KIAA1755: variants seen among roughly 807,000 people sequenced by gnomAD.
KIAA1755 encodes the protein uncharacterized protein KIAA1755.
In KIAA1755, 68 loss-of-function variants were observed where a neutral mutation model predicts 91.7. The ratio of observed to expected loss-of-function variants is 0.74; its 90% CI spans 0.61 to 0.91. The LOEUF (loss-of-function observed/expected upper bound fraction) is 0.91, where lower values mean the gene tolerates loss of function less well. Among genes scored for constraint, KIAA1755 ranks in the 40% least tolerant of loss-of-function variants. The probability of loss-of-function intolerance (pLI) is 0.00; values close to 1 mark genes in which losing one functional copy is unlikely to be tolerated. For missense variants in KIAA1755, 1,535 were observed against 1,494.4 expected (o/e 1.03, Z -0.45); for synonymous variants, 610 against 604.6 (o/e 1.01, Z -0.13).
chr20:38,217,872 G>C (rs2075579650), intron 12 of KIAA1755: 1 of 402,930 alleles, frequency 2.5e-6, no homozygotes, highest in Non-Finnish European at 4.5e-6. Context: ...GAGAATTCCT[G>C]AGCGCTGATA....
chr20:38,244,687 C>A (rs1031633048), intron 2 of KIAA1755, among the ~76,000 whole-genome samples: 2 of 151,846 alleles, frequency 1.3e-5, no homozygotes, highest in Non-Finnish European at 2.9e-5. Context: ...TCAGGCTTCT[C>A]TCATCCTTTT....
intron 13 of KIAA1755, among the ~76,000 whole-genome samples, chr20:38,216,073 C>T (rs187187593): frequency 2.0e-5 from 3 of 152,252 alleles, no homozygotes; most frequent in Admixed American, 6.5e-5. Flanking sequence ...TAAAATGATA[C>T]GTGAAATGAC....
At chr20:38,232,365 G>C (rs1047641987) in intron 4 of KIAA1755, among the ~76,000 whole-genome samples, 1 of 152,092 alleles carries the variant, frequency 6.6e-6, no homozygotes, top group Non-Finnish European at 1.5e-5. Context: ...GGTGGCTCAC[G>C]CCTGTAATCC....
At chr20:38,219,504 G>C (rs2123076296) in intron 11 of KIAA1755, 126 bp downstream of exon 11, 1 of 1,313,254 alleles carries the variant, frequency 7.6e-7, no homozygotes, top group East Asian at 2.3e-5. Context: ...GCCTTTGAAG[G>C]ATCGCCAGCT....
In KIAA1755 at chr20:38,217,317, A is replaced by G. The variant is rs750650900; in HGVS notation, c.2837T>C (p.Met946Thr). The stretch of plus-strand genomic sequence containing the variant: ...GTCCGTGCGTTGCCGCTCGGCCGCC[A>G]TGTAAAAGTGGGTCAGCTCAGCCTG... ...AFQAELTHFY[M>T]AAERQRTDLE... The change falls in exon 13 of 14, where the codon ATG becomes ACG. Residue 946 changes from methionine to threonine, a missense_variant. Transcript: ENST00000279024. 6.2e-7 allele frequency: 1 copy of G among 1,611,394 alleles called. No homozygotes were observed. The highest frequency in any genetic ancestry group is 1.1e-5 in the South Asian group (1 of 90,246).
chr20:38,217,464 C>G lies in KIAA1755; in HGVS notation c.2690G>C (p.Arg897Pro). Residue 897 changes from arginine to proline, a missense_variant, in exon 13 of 14, where the codon CGC becomes CCC. By Grantham distance (103) the Arg-to-Pro change is moderately radical. Transcript: ENST00000279024. ...CTGCTTGGACAGCTCCAGGCCTCGGCGGTACTGGGCCTGAGAGGGGAGAGG... is the reference window on the plus strand; with the variant it reads ...CTGCTTGGACAGCTCCAGGCCTCGGGGGTACTGGGCCTGAGAGGGGAGAGG... ...NFFLQAAAQY[R>P]RGLELSKQAA... is the part of the protein sequence containing the mutation. The G allele has an allele frequency of 6.2e-7, 1 of 1,605,880 alleles. No individual in the cohort carries two copies.
rs1398769652 is a variant in KIAA1755, at chr20:38,212,734, G to A, written c.*308C>T. On this transcript the variant is annotated 3_prime_UTR_variant, in exon 14 of 14. Transcript: ENST00000279024. ...CTGCCTGCCTGCGAGCGAGACCTCT[G>A]GAGGGGTCTGTGCCGACAGGTCTTT... 1 of 279,710 alleles carries A rather than the reference G, an allele frequency of 3.6e-6. No individual in the cohort carries two copies. Among genetic ancestry groups the A allele is most frequent in the Non-Finnish European group, 6.7e-6 (1 of 148,262 alleles). 17.3% of individuals were successfully genotyped at this position (279,710 alleles called of 1,614,324 possible).
chr20:38,228,118 T>TA, intron 6 of KIAA1755, 29 bp downstream of exon 6: 1 of 1,546,748 alleles, frequency 6.5e-7, no homozygotes. Flanking sequence ...CAGGACTTAC[T>TA]AGGCTAAGGC....
rs779571194 is a variant in KIAA1755 at position 38,227,259 on chromosome 20, G to A, written c.1966-19C>T. On this transcript the variant is annotated intron_variant, in intron 6 of 13. Transcript: ENST00000279024. ...CCTGAGCCTGTCAAAGACAACCACT[G>A]CAGAGTTGCTCTGCCCAAGGCTTCA... is the stretch of plus-strand genomic sequence containing the variant. The A allele has an allele frequency of 2.5e-6, 4 of 1,599,736 alleles. No individual in the cohort carries two copies. The highest frequency in any genetic ancestry group is 2.2e-5 in the East Asian group (1 of 44,740).
Position 38,245,965 on chromosome 20 carries a change from G to A in KIAA1755, c.165C>T (p.Ala55=), listed in dbSNP as rs2076151618. 2 of 1,614,052 alleles carry A rather than the reference G, an allele frequency of 1.2e-6. No homozygotes were observed. Among genetic ancestry groups the A allele is most frequent in the African/African-American group, 2.7e-5 (2 of 74,902 alleles). The change falls in exon 2 of 14, where the codon GCC becomes GCT. Residue 55 remains alanine (A), a synonymous_variant. Coordinates refer to ENST00000279024, the MANE Select transcript of KIAA1755 (RefSeq NM_001029864.2). The stretch of plus-strand genomic sequence containing the variant: ...CTCGCACTTGCTCACACAGGCGCTT[G>A]GCAGGGATCAGGAAATCCAGAAGGA... ...LSFLLDFLIP[A]KRLCEQVREA...
rs2076037475 is a variant in KIAA1755 at position 38,240,564 on chromosome 20, A to G, written c.1549+18T>C. 1.3e-6 allele frequency: 2 copies of G among 1,483,866 alleles called. No individual in the cohort carries two copies. The highest frequency in any genetic ancestry group is 1.8e-6 in the Non-Finnish European group (2 of 1,116,548). 91.9% of individuals were successfully genotyped at this position (1,483,866 alleles called of 1,614,324 possible). ...AGACAATAACCTCCTTGTACAGCTG[A>G]GCATGTGGGCATCTTACCTTTCCCC... is the stretch of plus-strand genomic sequence containing the variant. On this transcript the variant is annotated intron_variant, in intron 3 of 13. Coordinates refer to ENST00000279024, the MANE Select transcript of KIAA1755 (RefSeq NM_001029864.2).
chr20:38,251,448 G>A (rs758049600), intron 1 of KIAA1755, among the ~76,000 whole-genome samples: 2 of 152,032 alleles, frequency 1.3e-5, no homozygotes, highest in Admixed American at 6.6e-5. Flanking sequence ...ACCTTGTAGT[G>A]CAGAGGGACA....
rs35945102 is a variant in KIAA1755, at chr20:38,251,567, C to CTT, written c.4-5443_4-5442dup. 1.9e-4 allele frequency among the ~76,000 whole-genome samples: 26 copies of CTT among 137,618 alleles called. No homozygotes were observed. The East Asian group carries it at 2.1e-3, about 11-fold the overall frequency. The allele number at this position is 137,618 out of a possible 152,430, so 90.3% of individuals were successfully genotyped here. ...TGCAATGAGCCACTGCTATTATAGT[C>CTT]TTTTTTTTTTTTTTTTGAGACAGAG... On this transcript the variant is annotated intron_variant, in intron 1 of 13. Transcript: ENST00000279024.
chr20:38,243,387 C>T (rs183256416), intron 2 of KIAA1755, among the ~76,000 whole-genome samples: 10 of 152,324 alleles, frequency 6.6e-5, no homozygotes, highest in African/African-American at 2.4e-4. Flanking sequence ...GTTTTCTCGA[C>T]CCTTTTCACT....
At position 38,227,580 on chromosome 20, in the gene KIAA1755, A is replaced by ATC. The variant is rs375846730; in HGVS notation, c.1966-342_1966-341dup. On this transcript the variant is annotated intron_variant, in intron 6 of 13. Transcript: ENST00000279024. ...TGCTGCCCATAATTGCTGGATAGGA[A>ATC]TCTTCTCTCCTCCCTTCTCAGCTCA... Among the ~76,000 whole-genome samples the ATC allele has an allele frequency of 5.5e-3, 837 of 152,292 alleles. 12 individuals are homozygous for ATC. Among genetic ancestry groups the ATC allele is most frequent in the African/African-American group, 0.019 (794 of 41,558 alleles).
At chr20:38,216,052 CG>C (rs1193265796) in intron 13 of KIAA1755, among the ~76,000 whole-genome samples, 1 of 152,056 alleles carries the variant, frequency 6.6e-6, no homozygotes, top group Non-Finnish European at 1.5e-5. Flanking sequence ...CTCATAGGAT[CG>C]GGGCGACAAT....
At chr20:38,240,526 T>C in intron 3 of KIAA1755, 56 bp downstream of exon 3, 6 of 1,420,964 alleles carry the variant, frequency 4.2e-6, no homozygotes, top group Non-Finnish European at 5.5e-6. Flanking sequence ...CCACCTAAAA[T>C]GTGATCTCAA....
At chr20:38,246,230 C>T in intron 1 of KIAA1755, 104 bp from the exon 2 acceptor site, 1 of 881,136 alleles carries the variant, frequency 1.1e-6, no homozygotes, top group Non-Finnish European at 1.7e-6. Flanking sequence ...CCTGCTAATT[C>T]TCTGACCTCC....
chr20:38,251,637 C>T (rs929190069), intron 1 of KIAA1755, among the ~76,000 whole-genome samples: 1 of 150,118 alleles, frequency 6.7e-6, no homozygotes, highest in African/African-American at 2.5e-5. Context: ...GCAATCTTGG[C>T]TCACTGCAAC....
Sources: gnomAD v4.1 joint callset for allele counts (sites outside exome capture counted in the v4.1 genomes callset) on GRCh38, gnomAD v4.1.1 for gene constraint, MANE v1.5 for transcripts, NCBI Gene and HGNC (gene_info 2026-07-23, HGNC 2026-07-21) for gene names.